LRRC43: variants seen among roughly 807,000 people sequenced by gnomAD.
LRRC43 encodes leucine rich repeat containing 43.
LRRC43 carries 62 observed loss-of-function variants against 64.3 expected under a neutral mutation model. The ratio of observed to expected loss-of-function variants is 0.96; its 90% CI spans 0.79 to 1.19. LRRC43 has a LOEUF of 1.19. LRRC43 is among the 50% of genes most tolerant of loss of function. LRRC43 has a pLI of 0.00. For missense variants in LRRC43, 868 were observed against 845.0 expected (o/e 1.03, Z -0.34); for synonymous variants, 422 against 382.3 (o/e 1.10, Z -1.21).
chr12:122,187,366 T>G (rs1953656866), intron 3 of LRRC43: 1 of 206,848 alleles, frequency 4.8e-6, no homozygotes, highest in Admixed American at 5.8e-5. Context: ...GATTTATTCC[T>G]TATCCATCTA....
chr12:122,200,506 A>AGGCATT lies in LRRC43; in HGVS notation c.1492-26_1492-25insGGCATT. On this transcript the variant is annotated intron_variant, in intron 8 of 11. Coordinates refer to ENST00000339777, the MANE Select transcript of LRRC43 (RefSeq NM_001098519.2). The surrounding 1 kb of genome is among the most constrained non-coding windows in gnomAD (Gnocchi z 4.6). ...AGGCAGCCCGCCTGGGCCTCTGCTC[A>AGGCATT]CTCGAGGATTCTCTCCTGCCCCTAG... 1 of 1,613,262 alleles carries AGGCATT rather than the reference A, an allele frequency of 6.2e-7. No individual in the cohort carries two copies. The highest frequency in any genetic ancestry group is 1.3e-5 in the African/African-American group (1 of 74,686).
At chr12:122,187,654 G>A (rs1325523117) in intron 3 of LRRC43, 47 bp from the exon 4 acceptor site, 7 of 1,592,896 alleles carry the variant, frequency 4.4e-6, no homozygotes, top group East Asian at 4.5e-5. Context: ...GATCCTCAGC[G>A]CTGACTTGGG....
Position 122,183,309 on chromosome 12 carries a change from GCCGGAACTCTGGGGGCCTGGA to G in LRRC43, c.150+20_150+40del. The G allele has an allele frequency of 2.0e-6, 3 of 1,483,806 alleles. No homozygotes were observed. In the South Asian group the frequency reaches 4.1e-5, roughly 20 times the overall value. The allele number at this position is 1,483,806 out of a possible 1,614,324, so 91.9% of individuals were successfully genotyped here. The stretch of plus-strand genomic sequence containing the variant: ...CCGGCAGCTGGGTGCGGGCGCCGGG[GCCGGAACTCTGGGGGCCTGGA>G]CCGGCTGCGGGGAGGCACGGGCCCG... On this transcript the variant is annotated intron_variant, in intron 1 of 11. Coordinates refer to ENST00000339777, the MANE Select transcript of LRRC43 (RefSeq NM_001098519.2).
chr12:122,200,198 C>T lies in LRRC43; in HGVS notation c.1359C>T (p.Leu453=), dbSNP rs1175179485. The T allele has an allele frequency of 6.2e-7, 1 of 1,613,932 alleles. No homozygotes were observed. The stretch of plus-strand genomic sequence containing the variant: ...TCCCTCCCTCCCCAAGGACTGTCCT[C>T]TTCAGCACTGCCCACAAGCCCTGGG... ...PRLCPSPGTV[L]FSTAHKPWAE... The change falls in exon 8 of 12, where the codon CTC becomes CTT. Residue 453 remains leucine, a synonymous_variant. Coordinates refer to ENST00000339777, the MANE Select transcript of LRRC43 (RefSeq NM_001098519.2). The surrounding 1 kb of genome is among the most constrained non-coding windows in gnomAD (Gnocchi z 4.6).
chr12:122,172,227 T>G, intron 1 of LRRC43: 1 of 564,868 alleles, frequency 1.8e-6, no homozygotes, highest in Non-Finnish European at 3.1e-6. Context: ...AATAACCTAA[T>G]GTTTTTCAAG....
At chr12:122,172,287 G>A (rs937810917) in intron 1 of LRRC43, 2 of 693,596 alleles carry the variant, frequency 2.9e-6, no homozygotes, top group African/African-American at 1.8e-5. Context: ...CCCATATGAG[G>A]GGTCCCTGAG....
chr12:122,172,766 G>T (rs769271274), intron 1 of LRRC43: 1 of 1,560,242 alleles, frequency 6.4e-7, no homozygotes, highest in Non-Finnish European at 8.7e-7. Context: ...GAAATGGTCA[G>T]TGTTGGGTTT....
chr12:122,186,201 G>C lies in LRRC43; in HGVS notation c.423G>C (p.Val141=), dbSNP rs1240809248. ...CTCCCCTCTTCCAGGTCACCCTGGT[G>C]GATAAAGACCTCCTGAAATTTCTAA... is the stretch of plus-strand genomic sequence containing the variant. ...LRVIDKKVTL[V]DKDLLKFLKL... The change falls in exon 3 of 12, where the codon GTG becomes GTC. Residue 141 remains valine (V), a synonymous_variant. Coordinates refer to ENST00000339777, the MANE Select transcript of LRRC43 (RefSeq NM_001098519.2). 6.3e-7 allele frequency: 1 copy of C among 1,593,050 alleles called. No homozygotes were observed. The highest frequency in any genetic ancestry group is 8.6e-7 in the Non-Finnish European group (1 of 1,169,290).
rs369983108 is a variant in LRRC43, at chr12:122,200,510, G to C, written c.1492-22G>C. 7 of 1,613,884 alleles carry C rather than the reference G, an allele frequency of 4.3e-6. No individual in the cohort carries two copies. The highest frequency in any genetic ancestry group is 5.9e-6 in the Non-Finnish European group (7 of 1,180,018). The stretch of plus-strand genomic sequence containing the variant: ...AGCCCGCCTGGGCCTCTGCTCACTC[G>C]AGGATTCTCTCCTGCCCCTAGATTC... On this transcript the variant is annotated intron_variant, in intron 8 of 11. Coordinates refer to ENST00000339777, the MANE Select transcript of LRRC43 (RefSeq NM_001098519.2). The surrounding 1 kb of genome is among the most constrained non-coding windows in gnomAD (Gnocchi z 4.6).
chr12:122,197,199 C>T (rs1049028629), intron 7 of LRRC43, among the ~76,000 whole-genome samples: 15 of 152,132 alleles, frequency 9.9e-5, no homozygotes, highest in Admixed American at 6.6e-5. Context: ...TTGCTCTTGT[C>T]GCCCAGGCTA....
upstream of LRRC43, among the ~76,000 whole-genome samples, chr12:122,179,713 C>T (rs1953565831): frequency 1.3e-5 from 2 of 152,050 alleles, no homozygotes; most frequent in South Asian, 4.1e-4. Context: ...TGGCTCACAC[C>T]TGTAATCCCA....
intron 6 of LRRC43, 64 bp from the exon 7 acceptor site, chr12:122,192,681 C>T (rs992819397): frequency 3.0e-5 from 47 of 1,578,648 alleles, no homozygotes; most frequent in Non-Finnish European, 3.9e-5. Context: ...ACAGACACCC[C>T]CGGCATCAGC....
At chr12:122,196,848 G>A (rs1196290060) in intron 7 of LRRC43, among the ~76,000 whole-genome samples, 2 of 152,114 alleles carry the variant, frequency 1.3e-5, no homozygotes, top group Non-Finnish European at 2.9e-5. Flanking sequence ...AATGTCACAA[G>A]TGGTACGTCA....
At chr12:122,178,582 C>CTTTTTTTTTTTTGTTTTTT (rs1953556540), upstream of LRRC43, among the ~76,000 whole-genome samples, 1 of 60,732 alleles carries the variant, frequency 1.6e-5, no homozygotes. Context: ...AGGTGGCTTT[C>CTTTTTTTTTTTTGTTTTTT]TTTTTTTTTT....
At chr12:122,192,227 T>C (rs377451233) in intron 6 of LRRC43, among the ~76,000 whole-genome samples, 2 of 152,136 alleles carry the variant, frequency 1.3e-5, no homozygotes, top group Non-Finnish European at 1.5e-5. Context: ...AACCTCTGCC[T>C]CTGGGTTCAA....
chr12:122,191,670 ATTG>A, intron 6 of LRRC43, 103 bp downstream of exon 6: 1 of 919,946 alleles, frequency 1.1e-6, no homozygotes, highest in Non-Finnish European at 1.6e-6. Flanking sequence ...TAATTTATTT[ATTG>A]AGGAGGAGTC....
intron 3 of LRRC43, 159 bp from the exon 4 acceptor site, chr12:122,187,542 T>C: frequency 1.7e-6 from 1 of 584,498 alleles, no homozygotes. Context: ...GAATCTTTTC[T>C]TCCTGGGTTT....
intron 4 of LRRC43, chr12:122,188,058 T>C: frequency 2.3e-6 from 1 of 435,010 alleles, no homozygotes; most frequent in Non-Finnish European, 4.0e-6. Context: ...TAGGTGTGAG[T>C]CAGAGCCTTT....
chr12:122,196,219 G>A lies in LRRC43; in HGVS notation c.1349+3215G>A, dbSNP rs537770798. 1.2e-4 allele frequency among the ~76,000 whole-genome samples: 19 copies of A among 152,254 alleles called. No homozygotes were observed. In the South Asian group the frequency reaches 2.5e-3, roughly 20 times the overall value. On this transcript the variant is annotated intron_variant, in intron 7 of 11. Coordinates refer to ENST00000339777, the MANE Select transcript of LRRC43 (RefSeq NM_001098519.2). ...TGTCCAGTATAGTCTAGTCTACCAC[G>A]TCCTAAAACAGAATTTCCACATTGA...
Sources: gnomAD v4.1 joint callset for allele counts (sites outside exome capture counted in the v4.1 genomes callset) on GRCh38, gnomAD v4.1.1 for gene constraint, Gnocchi (gnomAD v3.1) non-coding constraint, MANE v1.5 for transcripts, NCBI Gene and HGNC (gene_info 2026-07-23, HGNC 2026-07-21) for gene names.